The following FRMD4B variants were observed in gnomAD, a reference collection of about 807,000 sequenced individuals.
The protein encoded by FRMD4B is FERM domain containing 4B.
FRMD4B carries 74 observed loss-of-function variants against 141.5 expected under a neutral mutation model. That is an observed-to-expected ratio of 0.52 (90% CI 0.43 to 0.63). FRMD4B has a LOEUF of 0.63. Ranked by LOEUF, FRMD4B falls within the 30% of genes least tolerant of loss-of-function variation. The probability of loss-of-function intolerance (pLI) is 0.00; values close to 1 mark genes in which losing one functional copy is unlikely to be tolerated. For synonymous variants in FRMD4B, 506 were observed against 467.9 expected, an observed-to-expected ratio of 1.08 and a Z score of -1.05; for missense variants, 1,366 against 1,253.4, an observed-to-expected ratio of 1.09 and a Z score of -1.36.
chr3:69,320,006 A>G (rs1701942179), intron 1 of FRMD4B, among the ~76,000 whole-genome samples: 1 of 152,204 alleles, frequency 6.6e-6, no homozygotes, highest in African/African-American at 2.4e-5. Context: ...TTATAAATAG[A>G]AAGCATCTTA....
chr3:69,506,577 C>G (rs1302722204), intron 1 of FRMD4B, among the ~76,000 whole-genome samples: 1 of 151,848 alleles, frequency 6.6e-6, no homozygotes, highest in Non-Finnish European at 1.5e-5. Flanking sequence ...GTTTTACCAC[C>G]CAGGCTGGAG....
At chr3:69,535,313 C>T in intron 1 of FRMD4B, among the ~76,000 whole-genome samples, 1 of 152,164 alleles carries the variant, frequency 6.6e-6, no homozygotes, top group Non-Finnish European at 1.5e-5. Flanking sequence ...AAGTGGCAAC[C>T]TCACAACCAG....
intron 1 of FRMD4B, among the ~76,000 whole-genome samples, chr3:69,361,881 A>T (rs563813276): frequency 1.3e-5 from 2 of 152,328 alleles, no homozygotes; most frequent in African/African-American, 4.8e-5. Flanking sequence ...ATAAATGTGC[A>T]TGAATAGAGC....
At chr3:69,308,124 C>T (rs1701453313) in intron 3 of FRMD4B, among the ~76,000 whole-genome samples, 1 of 152,110 alleles carries the variant, frequency 6.6e-6, no homozygotes, top group Non-Finnish European at 1.5e-5. Context: ...CTTAACACTC[C>T]CTTACTGCAG....
chr3:69,266,683 T>A (rs2093563794), intron 5 of FRMD4B, among the ~76,000 whole-genome samples: 1 of 152,170 alleles, frequency 6.6e-6, no homozygotes, highest in South Asian at 2.1e-4. Context: ...TCTTTACGTA[T>A]GAATGCTAAC....
At chr3:69,217,905 T>C in intron 10 of FRMD4B, among the ~76,000 whole-genome samples, 1 of 152,214 alleles carries the variant, frequency 6.6e-6, no homozygotes, top group Non-Finnish European at 1.5e-5. Context: ...AATCTCTCCC[T>C]GCTTATAAAA....
intron 11 of FRMD4B, among the ~76,000 whole-genome samples, chr3:69,213,155 T>C (rs1381912615): frequency 6.6e-6 from 1 of 152,186 alleles, no homozygotes; most frequent in African/African-American, 2.4e-5. Context: ...TGGCAAGGTA[T>C]GAAACACTGT....
At chr3:69,308,438 C>T (rs1005275010) in intron 3 of FRMD4B, among the ~76,000 whole-genome samples, 54 of 142,256 alleles carry the variant, frequency 3.8e-4, no homozygotes, top group Middle Eastern at 3.6e-3. Flanking sequence ...ATCACACTGG[C>T]TTTTTTTTTT....
intron 1 of FRMD4B, among the ~76,000 whole-genome samples, chr3:69,458,011 C>T (rs1468159841): frequency 6.6e-6 from 1 of 152,174 alleles, no homozygotes; most frequent in African/African-American, 2.4e-5. Context: ...TGGCTTTTCT[C>T]CCTCTCTTGT....
intron 5 of FRMD4B, among the ~76,000 whole-genome samples, chr3:69,266,138 G>A (rs1162945846): frequency 1.3e-5 from 2 of 152,096 alleles, no homozygotes; most frequent in South Asian, 2.1e-4. Context: ...GGAAGTTGAG[G>A]CTACAGTGAG....
At position 69,466,014 on chromosome 3, in the gene FRMD4B, G is replaced by A. The variant is rs186207496; in HGVS notation, c.-128-33253C>T. Among the ~76,000 whole-genome samples the A allele has an allele frequency of 3.0e-3, 453 of 152,192 alleles. 6 individuals carry two copies. Among genetic ancestry groups the A allele is most frequent in the African/African-American group, 0.01 (426 of 41,532 alleles). ...ACTAATTTGCATTCCCACCAACAGT[G>A]TAAAAGCCTTCCTATTTCTCCACAT... On this transcript the variant is annotated intron_variant, in intron 1 of 5. Coordinates refer to the FRMD4B transcript ENST00000459638.
At chr3:69,207,202 G>A (rs1307432928) in intron 11 of FRMD4B, among the ~76,000 whole-genome samples, 3 of 151,908 alleles carry the variant, frequency 2.0e-5, no homozygotes, top group South Asian at 2.1e-4. Context: ...CTACTTGAGA[G>A]GCTAAGGTGG....
chr3:69,231,290 CTTTTTTTCTCCTTA>C (rs1559737501), intron 7 of FRMD4B, among the ~76,000 whole-genome samples: 1 of 152,074 alleles, frequency 6.6e-6, no homozygotes, highest in East Asian at 1.9e-4. Context: ...TTGCTGCATC[CTTTTTTTCTCCTTA>C]TTTTTTTCTC....
At chr3:69,271,729 T>C (rs773554124) in intron 5 of FRMD4B, among the ~76,000 whole-genome samples, 1 of 152,170 alleles carries the variant, frequency 6.6e-6, no homozygotes, top group Non-Finnish European at 1.5e-5. Context: ...TCCCAGCACT[T>C]TGAGAGGCCA....
At chr3:69,228,835 T>TA (rs71115665) in intron 7 of FRMD4B, among the ~76,000 whole-genome samples, 33,158 of 141,218 alleles carry the variant, frequency 0.23, 4,459 homozygotes, top group East Asian at 0.43. Flanking sequence ...TTCTCTTATT[T>TA]AAAAAAAAAA....
chr3:69,381,018 T>C (rs143304321), intron 1 of FRMD4B, among the ~76,000 whole-genome samples: 203 of 152,358 alleles, frequency 1.3e-3, no homozygotes, highest in African/African-American at 4.3e-3. Flanking sequence ...GACAGGGATA[T>C]GGCTGATGAA....
intron 1 of FRMD4B, among the ~76,000 whole-genome samples, chr3:69,384,347 T>C (rs1704197755): frequency 6.6e-6 from 1 of 152,070 alleles, no homozygotes; most frequent in Non-Finnish European, 1.5e-5. Context: ...CCTTGGGGAG[T>C]GAGGCACAGA....
intron 19 of FRMD4B, among the ~76,000 whole-genome samples, chr3:69,186,984 C>G (rs1247802339): frequency 2.0e-5 from 3 of 152,134 alleles, no homozygotes; most frequent in Non-Finnish European, 4.4e-5. Flanking sequence ...ATAATATTTA[C>G]CTGAGATATT....
At chr3:69,280,508 C>T (rs2093639826) in intron 5 of FRMD4B, among the ~76,000 whole-genome samples, 1 of 152,128 alleles carries the variant, frequency 6.6e-6, no homozygotes, top group Non-Finnish European at 1.5e-5. Flanking sequence ...TACAGAAGCA[C>T]CTTATTAACT....
Sources: allele counts gnomAD v4.1 joint callset (sites outside exome capture counted in the v4.1 genomes callset), GRCh38; gene constraint gnomAD v4.1.1; transcripts MANE v1.5; gene names NCBI Gene and HGNC (gene_info 2026-07-23, HGNC 2026-07-21).